The following EML5 variants were observed in gnomAD, a reference collection of about 807,000 sequenced individuals.
EML5 encodes the protein echinoderm microtubule-associated protein-like 5.
Under a neutral mutation model 250.0 loss-of-function variants are expected in EML5, and 120 were observed. That is an observed-to-expected ratio of 0.48 (90% CI 0.41 to 0.56). EML5 has a LOEUF of 0.56. Ranked by LOEUF, EML5 falls within the 20% of genes least tolerant of loss-of-function variation. The pLI is 0.00. For missense variants in EML5, 2,006 were observed against 2,437.6 expected (o/e 0.82, Z 3.73); for synonymous variants, 771 against 806.5 (o/e 0.96, Z 0.75).
intron 10 of EML5, among the ~76,000 whole-genome samples, chr14:88,709,686 G>A: frequency 6.6e-6 from 1 of 152,098 alleles, no homozygotes; most frequent in Non-Finnish European, 1.5e-5. Context: ...CATTCTCCAT[G>A]ACCCAGAAAT....
At position 88,657,488 on chromosome 14, in the gene EML5, C is replaced by T. The variant is rs376142163; in HGVS notation, c.3892G>A (p.Val1298Ile). 15 of 1,605,568 alleles carry T rather than the reference C, an allele frequency of 9.3e-6. No individual in the cohort carries two copies. Among genetic ancestry groups the T allele is most frequent in the Non-Finnish European group, 1.3e-5 (15 of 1,176,138 alleles). Residue 1298 changes from valine (V) to isoleucine (I), a missense_variant, in exon 27 of 44, where the codon GTT (valine) becomes ATT (isoleucine). This residue lies in a region of EML5 where 1,375 missense variants were observed against 1,590.3 expected (regional missense o/e 0.86). Coordinates refer to ENST00000554922, the MANE Select transcript of EML5 (RefSeq NM_183387.3). ...TAACTGATTTCATTCTCCCTTGTAA[C>T]ATCACTGTCATAGCCTACAATAAAA... ...SEEDGGYDSD[V>I]TRENEISYTI... is the part of the protein sequence containing the mutation.
Position 88,687,239 on chromosome 14 carries a change from G to C in EML5, c.2831C>G (p.Ala944Gly), listed in dbSNP as rs1313442077. The C allele has an allele frequency of 1.9e-6, 3 of 1,609,972 alleles. No individual in the cohort carries two copies. Among genetic ancestry groups the C allele is most frequent in the Non-Finnish European group, 2.5e-6 (3 of 1,178,474 alleles). ...ACCTTTAGATCCTGGGGCCAATGCA[G>C]CTCTTTTTATAGCATAGGTCTTGAG... ...RCLKTYAIKR[A>G]ALAPGSKGLL... is the part of the protein sequence containing the mutation. Residue 944 changes from alanine to glycine, a missense_variant, in exon 19 of 44, where the codon GCT (alanine) becomes GGT (glycine). Ala to Gly is a moderately conservative substitution (Grantham distance 60, BLOSUM62 0). Transcript: ENST00000554922.
Position 88,700,526 on chromosome 14 carries a change from C to T in EML5, c.2238+1920G>A, listed in dbSNP as rs140645123. Among the ~76,000 whole-genome samples, 446 of 152,200 alleles carry T rather than the reference C, an allele frequency of 2.9e-3. 3 individuals carry two copies. Among genetic ancestry groups the T allele is most frequent in the African/African-American group, 0.01 (432 of 41,554 alleles). On this transcript the variant is annotated intron_variant, in intron 14 of 43. Coordinates refer to ENST00000554922, the MANE Select transcript of EML5 (RefSeq NM_183387.3). ...AAAATTTCCAATCAAGGAATTCTTC[C>T]AACGACTTAACTTTATCTAGTCTCA...
chr14:88,762,988 C>G (rs2094267710), intron 1 of EML5, among the ~76,000 whole-genome samples: 1 of 152,166 alleles, frequency 6.6e-6, no homozygotes, highest in South Asian at 2.1e-4. Flanking sequence ...ACACCAGACT[C>G]TCTGGGACAC....
chr14:88,736,855 A>C (rs1005636454), intron 6 of EML5, among the ~76,000 whole-genome samples: 1 of 151,716 alleles, frequency 6.6e-6, no homozygotes, highest in Admixed American at 6.6e-5. Flanking sequence ...CCCATCTTTG[A>C]GGGGTGCTTT....
intron 1 of EML5, among the ~76,000 whole-genome samples, chr14:88,759,529 AAAC>A (rs2094207076): frequency 6.6e-6 from 1 of 151,688 alleles, no homozygotes. Flanking sequence ...ACAAAAAATA[AAAC>A]AACTAGCCAG....
At chr14:88,697,345 G>A (rs995077237) in intron 14 of EML5, among the ~76,000 whole-genome samples, 2 of 152,158 alleles carry the variant, frequency 1.3e-5, no homozygotes, top group Non-Finnish European at 2.9e-5. Flanking sequence ...CTTAATAGAT[G>A]CTTAATGAAC....
chr14:88,651,651 T>C (rs1312294446), intron 27 of EML5, among the ~76,000 whole-genome samples: 2 of 152,050 alleles, frequency 1.3e-5, no homozygotes, highest in Admixed American at 1.3e-4. Flanking sequence ...TTAGGAGACA[T>C]AATTTTCCTT....
At chr14:88,648,471 A>G (rs1226278771) in intron 28 of EML5, among the ~76,000 whole-genome samples, 1 of 152,092 alleles carries the variant, frequency 6.6e-6, no homozygotes, top group East Asian at 1.9e-4. Flanking sequence ...TTCCTGCCAC[A>G]GCATCCCACG....
chr14:88,790,002 T>C (rs75971021), intron 1 of EML5, among the ~76,000 whole-genome samples: 186 of 152,356 alleles, frequency 1.2e-3, no homozygotes, highest in Admixed American at 2.1e-3. Context: ...TTTGTGAATA[T>C]TACATCTTCT....
chr14:88,663,168 T>C (rs754819314), intron 23 of EML5, 49 bp from the exon 24 acceptor site: 5 of 1,231,830 alleles, frequency 4.1e-6, no homozygotes, highest in Non-Finnish European at 5.5e-6. Context: ...TACATACAAA[T>C]ATATATACCA....
chr14:88,762,116 T>C (rs1314068776), intron 1 of EML5, among the ~76,000 whole-genome samples: 1 of 152,192 alleles, frequency 6.6e-6, no homozygotes, highest in Non-Finnish European at 1.5e-5. Context: ...AAAAATTTTC[T>C]CCCATTCTGT....
intron 8 of EML5, among the ~76,000 whole-genome samples, chr14:88,720,453 C>G (rs1216943828): frequency 6.6e-6 from 1 of 152,082 alleles, no homozygotes; most frequent in Non-Finnish European, 1.5e-5. Flanking sequence ...GGCTTCATCC[C>G]CGAGATGCAA....
intron 23 of EML5, among the ~76,000 whole-genome samples, chr14:88,663,529 T>C (rs1456131671): frequency 1.3e-5 from 2 of 152,134 alleles, no homozygotes; most frequent in African/African-American, 4.8e-5. Context: ...ATACTTAACA[T>C]TTATCAAACA....
At chr14:88,677,843 T>C (rs867619642) in intron 21 of EML5, among the ~76,000 whole-genome samples, 3 of 152,218 alleles carry the variant, frequency 2.0e-5, no homozygotes, top group African/African-American at 7.2e-5. Context: ...TTTACTCTGT[T>C]GGTGTGAATG....
In EML5 at chr14:88,717,184, TTA is replaced by T. The variant is rs1480270568; in HGVS notation, c.1188-1991_1188-1990del. Reference sequence around the variant, plus strand: ...TTTTGTTCTGAGGAATGAATGAGATTTAGCTCAGCAGAAGATAGGAAATGGAG... The same window carrying T: ...TTTTGTTCTGAGGAATGAATGAGATTGCTCAGCAGAAGATAGGAAATGGAG... On this transcript the variant is annotated intron_variant, in intron 8 of 43. Coordinates refer to ENST00000554922, the MANE Select transcript of EML5 (RefSeq NM_183387.3). Among the ~76,000 whole-genome samples the T allele has an allele frequency of 2.0e-5, 3 of 152,270 alleles. No homozygotes were observed. In the South Asian group the frequency reaches 6.2e-4, roughly 32 times the overall value.
Position 88,644,392 on chromosome 14 carries a change from T to G in EML5, c.4107+41A>C, listed in dbSNP as rs1010905211. The G allele has an allele frequency of 6.3e-6, 10 of 1,585,152 alleles. No homozygotes were observed. In the African/African-American group the frequency reaches 1.4e-4, roughly 21 times the overall value. ...TTGGGTGTTTTATAAAAAAGAACTC[T>G]GGATACATTTCAGTAACACTGGAGA... is the stretch of plus-strand genomic sequence containing the variant. On this transcript the variant is annotated intron_variant, in intron 30 of 43. Coordinates refer to ENST00000554922, the MANE Select transcript of EML5 (RefSeq NM_183387.3).
At chr14:88,745,629 C>G (rs17260415) in intron 3 of EML5, among the ~76,000 whole-genome samples, 36,087 of 152,002 alleles carry the variant, frequency 0.24, 4,484 homozygotes, top group East Asian at 0.37. Flanking sequence ...CCAAACTAAA[C>G]AGACCCTAGG....
chr14:88,724,272 TCA>T (rs2093634547), intron 8 of EML5, among the ~76,000 whole-genome samples: 1 of 101,644 alleles, frequency 9.8e-6, no homozygotes. Context: ...AGACTCCATA[TCA>T]AAAAAAAAAA....
Sources: allele counts gnomAD v4.1 joint callset (sites outside exome capture counted in the v4.1 genomes callset), GRCh38; gene constraint gnomAD v4.1.1; regional missense constraint gnomAD v4.1.1; transcripts MANE v1.5; gene names NCBI Gene and HGNC (gene_info 2026-07-23, HGNC 2026-07-21).